SENP8: variants seen among roughly 807,000 people sequenced by gnomAD.
The protein encoded by SENP8 is sentrin-specific protease 8.
Under a neutral mutation model 14.4 loss-of-function variants are expected in SENP8, and 10 were observed. That is an observed-to-expected ratio of 0.69 (90% CI 0.43 to 1.18). The LOEUF is 1.18. Ranked by LOEUF, SENP8 falls within the 50% of genes most tolerant of loss-of-function variation. The pLI, the probability that SENP8 is intolerant of heterozygous loss-of-function variation, is 0.00. For synonymous variants in SENP8, 94 were observed against 95.5 expected, an observed-to-expected ratio of 0.98 and a Z score of 0.09; for missense variants, 202 against 249.4, an observed-to-expected ratio of 0.81 and a Z score of 1.28.
chr15:72,139,035 CAT>C (rs1288143952), intron 1 of SENP8, among the ~76,000 whole-genome samples: 3 of 147,478 alleles, frequency 2.0e-5, no homozygotes, highest in Admixed American at 1.3e-4. Flanking sequence ...CCAATTAATA[CAT>C]GTTTTGTAAA....
chr15:72,140,396 A>G lies in SENP8; in HGVS notation c.*134A>G. 9.0e-6 allele frequency: 6 copies of G among 664,470 alleles called. No individual in the cohort carries two copies. The highest frequency in any genetic ancestry group is 4.2e-4 in the Middle Eastern group (1 of 2,382). 41.2% of individuals were successfully genotyped at this position (664,470 alleles called of 1,614,324 possible). The stretch of plus-strand genomic sequence containing the variant: ...TTAATACTCTTTTTCCTGAAAGAAT[A>G]TCATCCTCTGCATTATCCCCATGGA... On this transcript the variant is annotated 3_prime_UTR_variant, in exon 2 of 2. Transcript: ENST00000340912.
chr15:72,118,212 C>A, upstream of SENP8: 1 of 353,036 alleles, frequency 2.8e-6, no homozygotes, highest in East Asian at 4.2e-5. Flanking sequence ...CGCCCCCGCA[C>A]GTGACGCCAC....
upstream of SENP8, among the ~76,000 whole-genome samples, chr15:72,115,997 G>A (rs1254182436): frequency 1.7e-4 from 26 of 152,078 alleles, no homozygotes; most frequent in Admixed American, 1.7e-3. Flanking sequence ...TGACCTCTAG[G>A]ATGTAGTATT....
rs781695679 is a variant in SENP8 at position 72,140,141 on chromosome 15, C to T, written c.518C>T (p.Ala173Val). 1 of 1,614,108 alleles carries T rather than the reference C, an allele frequency of 6.2e-7. No homozygotes were observed. Among genetic ancestry groups the T allele is most frequent in the Admixed American group, 1.7e-5 (1 of 60,018 alleles). ...ATGTACGTGATATGTAACACTGAGG[C>T]CTTGTGTCAGAACTTCTTTAGGCAA... ...CGMYVICNTE[A>V]LCQNFFRQQT... Residue 173 changes from alanine to valine, a missense_variant, in exon 2 of 2, where the codon GCC becomes GTC. Ala to Val is a moderately conservative substitution (Grantham distance 64). Coordinates refer to ENST00000340912, the MANE Select transcript of SENP8 (RefSeq NM_145204.4).
intron 1 of SENP8, among the ~76,000 whole-genome samples, chr15:72,124,062 C>A (rs1417584254): frequency 6.6e-6 from 1 of 152,162 alleles, no homozygotes; most frequent in Non-Finnish European, 1.5e-5. Flanking sequence ...ATCATCACAC[C>A]AAGTAGGTTT....
At chr15:72,133,014 T>C (rs921409306) in intron 1 of SENP8, among the ~76,000 whole-genome samples, 1 of 152,052 alleles carries the variant, frequency 6.6e-6, no homozygotes, top group Admixed American at 6.5e-5. Flanking sequence ...CTACTAAAAA[T>C]ACAAAAATTA....
At chr15:72,129,679 ATT>A (rs879374169) in intron 1 of SENP8, among the ~76,000 whole-genome samples, 2 of 139,172 alleles carry the variant, frequency 1.4e-5, no homozygotes, top group Non-Finnish European at 1.6e-5. Context: ...GTCTGGCCAC[ATT>A]TTTTTTTTTT....
intron 1 of SENP8, among the ~76,000 whole-genome samples, chr15:72,123,366 A>G (rs1163574006): frequency 6.6e-6 from 1 of 152,162 alleles, no homozygotes; most frequent in Admixed American, 6.5e-5. Context: ...CAGACGTCTT[A>G]TTAATTCTAA....
At chr15:72,115,252 T>C (rs1567057592), upstream of SENP8, among the ~76,000 whole-genome samples, 2 of 152,216 alleles carry the variant, frequency 1.3e-5, no homozygotes, top group Admixed American at 6.5e-5. Flanking sequence ...CCCTTCTGTA[T>C]GATTTTGCCT....
At chr15:72,119,929 G>A (rs1290208053) in intron 1 of SENP8, among the ~76,000 whole-genome samples, 1 of 152,138 alleles carries the variant, frequency 6.6e-6, no homozygotes, top group Non-Finnish European at 1.5e-5. Flanking sequence ...TTAGTTACTT[G>A]TCTCTTTGCT....
At chr15:72,134,358 T>A (rs1252446190) in intron 1 of SENP8, among the ~76,000 whole-genome samples, 1 of 152,148 alleles carries the variant, frequency 6.6e-6, no homozygotes, top group Non-Finnish European at 1.5e-5. Context: ...GGCAGGAGGA[T>A]AACTTGAGCT....
chr15:72,135,171 C>T (rs953573067), intron 1 of SENP8: 4 of 185,244 alleles, frequency 2.2e-5, no homozygotes, highest in African/African-American at 2.4e-5. Flanking sequence ...AAGCGATTCT[C>T]CTGCCTCAGC....
At chr15:72,134,295 T>C (rs1404288361) in intron 1 of SENP8, among the ~76,000 whole-genome samples, 1 of 152,206 alleles carries the variant, frequency 6.6e-6, no homozygotes, top group Non-Finnish European at 1.5e-5. Context: ...TATTCTCACT[T>C]TAAGCTGGGC....
chr15:72,130,641 G>A (rs776732486), intron 1 of SENP8, among the ~76,000 whole-genome samples: 2 of 135,292 alleles, frequency 1.5e-5, no homozygotes, highest in Non-Finnish European at 3.1e-5. Context: ...TCGGCTCACC[G>A]CAACCTCCAC....
chr15:72,119,013 AGTG>A (rs72354751), intron 1 of SENP8, among the ~76,000 whole-genome samples: 1,937 of 152,346 alleles, frequency 0.013, 27 homozygotes, highest in African/African-American at 0.02. Context: ...AGCATGTGAC[AGTG>A]GTGGTCTGAA....
upstream of SENP8, chr15:72,118,135 G>T (rs961202912): frequency 5.3e-6 from 2 of 379,386 alleles, no homozygotes; most frequent in Non-Finnish European, 9.3e-6. Flanking sequence ...GGCTGCAGGC[G>T]AGCAGGCGCG....
At chr15:72,137,685 T>A (rs970632733) in intron 1 of SENP8, among the ~76,000 whole-genome samples, 2 of 152,182 alleles carry the variant, frequency 1.3e-5, no homozygotes, top group Non-Finnish European at 2.9e-5. Flanking sequence ...TGAAAATTAA[T>A]GTTGAGGCCA....
intron 1 of SENP8, among the ~76,000 whole-genome samples, chr15:72,130,557 ATTTTTTTTTT>A (rs11411490): frequency 2.8e-5 from 3 of 106,164 alleles, no homozygotes; most frequent in Non-Finnish European, 5.4e-5. Context: ...ATGTTTTAGG[ATTTTTTTTTT>A]TTTTTTTTTT....
At chr15:72,139,531 C>T (rs1320507462) in intron 1 of SENP8, 46 bp from the exon 2 acceptor site, 6 of 1,493,648 alleles carry the variant, frequency 4.0e-6, no homozygotes, top group African/African-American at 1.4e-5. Context: ...ATTTTCCAGC[C>T]GCATTTTACA....
Sources: gnomAD v4.1 joint callset for allele counts (sites outside exome capture counted in the v4.1 genomes callset) on GRCh38, gnomAD v4.1.1 for gene constraint, MANE v1.5 for transcripts, NCBI Gene and HGNC (gene_info 2026-07-23, HGNC 2026-07-21) for gene names.